The following TSBP1 variants were observed in gnomAD, a reference collection of about 807,000 sequenced individuals.
The protein encoded by TSBP1 is testis expressed basic protein 1, also known as testis-expressed basic protein 1.
A neutral mutation model predicts 68.8 loss-of-function variants in TSBP1; 56 were observed. That is an observed-to-expected ratio of 0.81 (90% CI 0.66 to 1.02). TSBP1 has a LOEUF of 1.02. Ranked by LOEUF, TSBP1 falls within the 50% of genes least tolerant of loss-of-function variation. The probability of loss-of-function intolerance (pLI) is 0.00; values close to 1 mark genes in which losing one functional copy is unlikely to be tolerated. For synonymous variants in TSBP1, 171 were observed against 208.7 expected (o/e 0.82, Z 1.56); for missense variants, 502 against 641.2 (o/e 0.78, Z 2.34).
chr6:32,345,526 GT>G (rs9281745), intron 9 of TSBP1, among the ~76,000 whole-genome samples: 7 of 147,888 alleles, frequency 4.7e-5, no homozygotes, highest in East Asian at 3.9e-4. Flanking sequence ...TACTCTGCCT[GT>G]TTTTTTTTTT....
In TSBP1 at chr6:32,322,476, G is replaced by A; in HGVS notation, c.559+641C>T. On this transcript the variant is annotated intron_variant, in intron 18 of 22. Transcript: ENST00000612031. Reference sequence around the variant, plus strand: ...CCCACATATGACCAGCTGAGAAGTAGAGTACTTACTTGCGGTTCTCTGTGA... The same window carrying A: ...CCCACATATGACCAGCTGAGAAGTAAAGTACTTACTTGCGGTTCTCTGTGA... 6.3e-7 allele frequency: 1 copy of A among 1,597,368 alleles called. No homozygotes were observed. The highest frequency in any genetic ancestry group is 2.2e-5 in the East Asian group (1 of 44,760).
At position 32,304,369 on chromosome 6, in the gene TSBP1, G is replaced by GTT. The variant is rs34115112; in HGVS notation, c.581-1742_581-1741dup. Among the ~76,000 whole-genome samples, 9,475 of 151,402 alleles carry GTT rather than the reference G, an allele frequency of 0.063. 447 individuals are homozygous for GTT. The highest frequency in any genetic ancestry group is 0.11 in the Non-Finnish European group (7,200 of 67,824). On this transcript the variant is annotated intron_variant, in intron 19 of 22. Transcript: ENST00000612031. This position sits in a 1 kb window ranked among gnomAD's most constrained non-coding sequence, Gnocchi z 4.8. ...GCTAAAAATAAAATAAAACAAATCAGTTTTTTTTTAAATTATGTATTGAGT... is the reference window on the plus strand; with the variant it reads ...GCTAAAAATAAAATAAAACAAATCAGTTTTTTTTTTTAAATTATGTATTGAGT...
At chr6:32,368,989 A>G (rs3129939) in intron 2 of TSBP1, among the ~76,000 whole-genome samples, 175 bp from the exon 3 acceptor site, 21,402 of 152,084 alleles carry the variant, frequency 0.14, 1,681 homozygotes, top group Non-Finnish European at 0.17. Flanking sequence ...TGTTTTACCT[A>G]TCTTTTCACA....
intron 9 of TSBP1, among the ~76,000 whole-genome samples, chr6:32,347,457 T>G (rs1335085040): frequency 1.3e-5 from 2 of 152,234 alleles, no homozygotes; most frequent in Non-Finnish European, 2.9e-5. Flanking sequence ...ATGTCATTTT[T>G]GCTCCCCATT....
At chr6:32,362,258 C>T (rs9268324) in intron 6 of TSBP1, among the ~76,000 whole-genome samples, 42,350 of 138,416 alleles carry the variant, frequency 0.31, 7,087 homozygotes, top group African/African-American at 0.46. Context: ...CACTGCACTC[C>T]AGCCTGGGCA....
chr6:32,347,184 G>A (rs1232788541), intron 9 of TSBP1, among the ~76,000 whole-genome samples: 3 of 138,354 alleles, frequency 2.2e-5, no homozygotes, highest in Non-Finnish European at 4.6e-5. Flanking sequence ...TTTTTTTTGA[G>A]ACAGGGTCTC....
intron 9 of TSBP1, among the ~76,000 whole-genome samples, chr6:32,345,019 A>G (rs4576282): frequency 0.34 from 51,100 of 151,724 alleles, 9,651 homozygotes; most frequent in Middle Eastern, 0.52. Context: ...ATGCCCTACT[A>G]ATTCTTTTAA....
chr6:32,307,437 G>A (rs968737675), intron 19 of TSBP1, among the ~76,000 whole-genome samples: 2 of 152,040 alleles, frequency 1.3e-5, no homozygotes. Flanking sequence ...TTATGTTGAA[G>A]TGTACTTTGA....
chr6:32,316,517 G>T lies in TSBP1; in HGVS notation c.560-725C>A. 1 of 838,898 alleles carries T rather than the reference G, an allele frequency of 1.2e-6. No individual in the cohort carries two copies. The highest frequency in any genetic ancestry group is 1.9e-6 in the Non-Finnish European group (1 of 519,070). 52.0% of individuals were successfully genotyped at this position (838,898 alleles called of 1,614,324 possible). ...AGAATCTTGGTAGTCACACAGCTCT[G>T]GATGACAATGGCTAATTCTCTGTTA... On this transcript the variant is annotated intron_variant, in intron 18 of 22. Transcript: ENST00000612031. The surrounding 1 kb of genome is among the most constrained non-coding windows in gnomAD (Gnocchi z 4.5).
Position 32,335,896 on chromosome 6 carries a change from C to G in TSBP1, c.451+16G>C. 1 of 1,602,408 alleles carries G rather than the reference C, an allele frequency of 6.2e-7. No homozygotes were observed. ...AAGTAAAATGCTCACTGTGGAGAAT[C>G]AGAGAGCAAACTTACTGATAGGTCC... On this transcript the variant is annotated intron_variant, in intron 13 of 22. Transcript: ENST00000612031. This position sits in a 1 kb window ranked among gnomAD's most constrained non-coding sequence, Gnocchi z 5.5.
intron 10 of TSBP1, among the ~76,000 whole-genome samples, chr6:32,339,274 C>T (rs1434526469): frequency 1.3e-5 from 2 of 152,114 alleles, no homozygotes; most frequent in Non-Finnish European, 2.9e-5. Flanking sequence ...TTCACAATTT[C>T]ATTAATTAAT....
At chr6:32,344,884 G>T (rs1770809175) in intron 9 of TSBP1, among the ~76,000 whole-genome samples, 2 of 151,924 alleles carry the variant, frequency 1.3e-5, no homozygotes, top group African/African-American at 4.8e-5. Flanking sequence ...GGGGGGACAG[G>T]GTTTCACTCT....
intron 6 of TSBP1, among the ~76,000 whole-genome samples, chr6:32,358,568 C>T (rs1471658893): frequency 6.6e-6 from 1 of 151,984 alleles, no homozygotes; most frequent in African/African-American, 2.4e-5. Context: ...TCCCCGCTCC[C>T]CTCACCCCAC....
intron 6 of TSBP1, among the ~76,000 whole-genome samples, chr6:32,358,910 T>TTTTTTATTATTATTATTA (rs1554208387): frequency 2.0e-5 from 3 of 147,996 alleles, no homozygotes; most frequent in Admixed American, 1.3e-4. Flanking sequence ...CATGATTTGT[T>TTTTTTATTATTATTATTA]TTATTATTAT....
rs535057721 is a variant in TSBP1 at position 32,334,233 on chromosome 6, C to T, written c.472+1204G>A. 2.0e-5 allele frequency among the ~76,000 whole-genome samples: 3 copies of T among 152,134 alleles called. No homozygotes were observed. In the East Asian group the frequency reaches 5.8e-4, roughly 29 times the overall value. ...TTATGTGCCAATTCACTTACTCTTTCTGCTTCCAATTTTCTTCCTACTTTT... is the reference window on the plus strand; with the variant it reads ...TTATGTGCCAATTCACTTACTCTTTTTGCTTCCAATTTTCTTCCTACTTTT... On this transcript the variant is annotated intron_variant, in intron 14 of 22. Transcript: ENST00000612031.
chr6:32,360,370 TATA>T (rs1221307504), intron 6 of TSBP1, among the ~76,000 whole-genome samples: 6 of 136,512 alleles, frequency 4.4e-5, no homozygotes, highest in Admixed American at 7.7e-5. Context: ...CCTAAGGCTG[TATA>T]ATATTTCATT....
At chr6:32,354,975 C>A (rs1360864346) in intron 8 of TSBP1, 149 bp downstream of exon 8, 2 of 548,064 alleles carry the variant, frequency 3.6e-6, no homozygotes, top group South Asian at 3.0e-5. Flanking sequence ...AGAATATTAT[C>A]AATTTGTCAC....
At chr6:32,370,773 T>G (rs1225160721) in intron 1 of TSBP1, among the ~76,000 whole-genome samples, 1 of 150,944 alleles carries the variant, frequency 6.6e-6, no homozygotes, top group Non-Finnish European at 1.5e-5. Flanking sequence ...AGTCTTGCAG[T>G]CATAGGAGAG....
chr6:32,313,897 G>A (rs1437474572), intron 19 of TSBP1, among the ~76,000 whole-genome samples: 7 of 152,110 alleles, frequency 4.6e-5, no homozygotes, highest in Admixed American at 3.3e-4. Context: ...TGGCTTCTCC[G>A]CGTGGGGAGG....
Sources: allele counts gnomAD v4.1 joint callset (sites outside exome capture counted in the v4.1 genomes callset), GRCh38; gene constraint gnomAD v4.1.1; non-coding constraint Gnocchi (gnomAD v3.1); transcripts MANE v1.5; gene names NCBI Gene and HGNC (gene_info 2026-07-23, HGNC 2026-07-21).